Variants in EFCAB11 observed in about 807,000 individuals in gnomAD.
EFCAB11 encodes EF-hand calcium binding domain 11.
Under a neutral mutation model 23.0 loss-of-function variants are expected in EFCAB11, and 14 were observed. The observed-to-expected ratio is 0.61, with a 90% CI of 0.40 to 0.95. EFCAB11 has a LOEUF of 0.95. Among genes scored for constraint, EFCAB11 ranks in the 40% least tolerant of loss-of-function variants. The probability of loss-of-function intolerance (pLI) is 0.00; values close to 1 mark genes in which losing one functional copy is unlikely to be tolerated. For synonymous variants in EFCAB11, 65 were observed against 66.6 expected (o/e 0.98, Z 0.11); for missense variants, 198 against 195.8 (o/e 1.01, Z -0.07).
intron 5 of EFCAB11, among the ~76,000 whole-genome samples, chr14:89,810,269 T>TTTACACCTATTTACACC (rs1171166858): frequency 6.6e-6 from 1 of 152,210 alleles, no homozygotes; most frequent in African/African-American, 2.4e-5. Context: ...CACCACCCTA[T>TTTACACCTATTTACACC]GATCTTACAC....
chr14:89,923,797 T>G (rs1890095765), intron 5 of EFCAB11: 1 of 985,318 alleles, frequency 1.0e-6, no homozygotes. Context: ...TTTTCTCTTG[T>G]TAGAGATGGA....
intron 5 of EFCAB11, among the ~76,000 whole-genome samples, chr14:89,891,802 C>T (rs892903211): frequency 6.6e-6 from 1 of 152,078 alleles, no homozygotes; most frequent in African/African-American, 2.4e-5. Context: ...CCATGGAGGC[C>T]GAGGGCTGCC....
At chr14:89,866,709 C>T (rs1332578369) in intron 5 of EFCAB11, among the ~76,000 whole-genome samples, 1 of 152,210 alleles carries the variant, frequency 6.6e-6, no homozygotes, top group Non-Finnish European at 1.5e-5. Flanking sequence ...CAATCAGGCC[C>T]CGGGCTATAA....
rs372009318 is a variant in EFCAB11 at position 89,887,702 on chromosome 14, A to G, written c.410+43839T>C. ...ATGTACCAACCATTTAGAAAAGACA[A>G]CAGACTGTAAATATATTCCTGGGAA... On this transcript the variant is annotated intron_variant, in intron 5 of 5. Coordinates refer to ENST00000316738, the MANE Select transcript of EFCAB11 (RefSeq NM_145231.4). Among the ~76,000 whole-genome samples the G allele has an allele frequency of 4.7e-4, 72 of 152,370 alleles. No homozygotes were observed. In the South Asian group the frequency reaches 0.014, roughly 29 times the overall value.
intron 5 of EFCAB11, among the ~76,000 whole-genome samples, chr14:89,865,455 GGAGA>G (rs139270134): frequency 6.6e-6 from 1 of 151,290 alleles, no homozygotes; most frequent in African/African-American, 2.4e-5. Context: ...TGCTATGCGG[GGAGA>G]GAGAGAGAGA....
chr14:89,803,253 A>C (rs1040469696), intron 5 of EFCAB11, among the ~76,000 whole-genome samples: 20 of 152,224 alleles, frequency 1.3e-4, no homozygotes, highest in Non-Finnish European at 2.6e-4. Context: ...TTTTTCTTTA[A>C]AAAGAAAATG....
chr14:89,924,880 G>A (rs1890140044), intron 5 of EFCAB11, among the ~76,000 whole-genome samples: 1 of 152,202 alleles, frequency 6.6e-6, no homozygotes, highest in African/African-American at 2.4e-5. Flanking sequence ...AAGTGGCAAT[G>A]GACCAACGAT....
At chr14:89,841,822 G>A (rs978926341) in intron 5 of EFCAB11, among the ~76,000 whole-genome samples, 1 of 152,042 alleles carries the variant, frequency 6.6e-6, no homozygotes, top group Non-Finnish European at 1.5e-5. Context: ...ACCCTCTGAG[G>A]GTTCTCACTC....
chr14:89,861,033 A>G (rs1887904055), intron 5 of EFCAB11, among the ~76,000 whole-genome samples: 2 of 152,178 alleles, frequency 1.3e-5, no homozygotes, highest in South Asian at 4.1e-4. Context: ...AACCAAACTC[A>G]GACCTCTTAT....
At chr14:89,893,090 T>C (rs1466928697) in intron 5 of EFCAB11, among the ~76,000 whole-genome samples, 1 of 152,144 alleles carries the variant, frequency 6.6e-6, no homozygotes, top group African/African-American at 2.4e-5. Context: ...GTGAACTGAA[T>C]GACAAAAGCT....
intron 5 of EFCAB11, among the ~76,000 whole-genome samples, chr14:89,844,318 G>C (rs1416452338): frequency 6.6e-6 from 1 of 152,182 alleles, no homozygotes; most frequent in Non-Finnish European, 1.5e-5. Flanking sequence ...GTGAGGACAA[G>C]GGGGTGATGA....
At chr14:89,849,582 A>G (rs1887536911) in intron 5 of EFCAB11, among the ~76,000 whole-genome samples, 1 of 142,894 alleles carries the variant, frequency 7.0e-6, no homozygotes, top group Admixed American at 7.1e-5. Context: ...ATAAGTATGC[A>G]TTGCTTTTGT....
At chr14:89,932,386 A>G in intron 4 of EFCAB11, 140 bp downstream of exon 4, 1 of 639,216 alleles carries the variant, frequency 1.6e-6, no homozygotes, top group Non-Finnish European at 2.6e-6. Context: ...AATGTGCATC[A>G]ATACCTAAGG....
At chr14:89,884,496 G>C (rs898102977) in intron 5 of EFCAB11, among the ~76,000 whole-genome samples, 6 of 151,934 alleles carry the variant, frequency 3.9e-5, no homozygotes, top group African/African-American at 1.4e-4. Flanking sequence ...AGATGGGGAA[G>C]AAACAGGATA....
intron 5 of EFCAB11, among the ~76,000 whole-genome samples, chr14:89,926,947 T>C (rs969013449): frequency 6.6e-6 from 1 of 152,230 alleles, no homozygotes; most frequent in Non-Finnish European, 1.5e-5. Flanking sequence ...CACAACAGAA[T>C]GTCAACGTTA....
intron 2 of EFCAB11, 148 bp downstream of exon 2, chr14:89,953,758 G>A: frequency 5.0e-6 from 3 of 595,068 alleles, no homozygotes; most frequent in East Asian, 2.9e-5. Context: ...GAGGTGTTAA[G>A]AGGAAGCTAA....
At chr14:89,903,162 C>T (rs553616528) in intron 5 of EFCAB11, among the ~76,000 whole-genome samples, 45 of 152,302 alleles carry the variant, frequency 3.0e-4, no homozygotes, top group Non-Finnish European at 5.9e-4. Flanking sequence ...ACATTTAAAA[C>T]AGAAAGCTAC....
intron 5 of EFCAB11, among the ~76,000 whole-genome samples, chr14:89,808,734 A>T (rs1886056475): frequency 6.6e-6 from 1 of 152,212 alleles, no homozygotes; most frequent in South Asian, 2.1e-4. Flanking sequence ...TATCAAAAAC[A>T]CTCTATTAAT....
At chr14:89,807,173 C>T (rs1243658979) in intron 5 of EFCAB11, among the ~76,000 whole-genome samples, 2 of 152,152 alleles carry the variant, frequency 1.3e-5, no homozygotes, top group Non-Finnish European at 2.9e-5. Context: ...AGAGCTTTTC[C>T]CTCTATGCTC....
Sources: allele counts gnomAD v4.1 joint callset (sites outside exome capture counted in the v4.1 genomes callset), GRCh38; gene constraint gnomAD v4.1.1; transcripts MANE v1.5; gene names NCBI Gene and HGNC (gene_info 2026-07-23, HGNC 2026-07-21).